SLC22A9: variants seen among roughly 807,000 people sequenced by gnomAD.
The protein encoded by SLC22A9 is organic anion transporter 7.
In SLC22A9, 64 loss-of-function variants were observed where a neutral mutation model predicts 50.1. The observed-to-expected ratio is 1.28, with a 90% confidence interval of 1.04 to 1.57. SLC22A9 has a LOEUF of 1.57. SLC22A9 is among the 40% of genes most tolerant of loss of function. The pLI is 0.00. For synonymous variants in SLC22A9, 261 were observed against 242.5 expected (o/e 1.08, Z -0.71); for missense variants, 757 against 676.1 (o/e 1.12, Z -1.33).
Position 63,410,103 on chromosome 11 carries a change from A to T in SLC22A9, c.*241A>T, listed in dbSNP as rs1008728683. 6 of 344,328 alleles carry T rather than the reference A, an allele frequency of 1.7e-5. No homozygotes were observed. The highest frequency in any genetic ancestry group is 1.3e-4 in the African/African-American group (6 of 46,882). The allele number at this position is 344,328 out of a possible 1,614,324, so 21.3% of individuals were successfully genotyped here. ...AAACAAATACAAAACTTCGCTGGGC[A>T]CAGTGGCACAGGCCTTTAATTCCAG... On this transcript the variant is annotated 3_prime_UTR_variant, in exon 10 of 10. Coordinates refer to ENST00000279178, the MANE Select transcript of SLC22A9 (RefSeq NM_080866.3).
rs71065364 is a variant in SLC22A9 at position 63,386,434 on chromosome 11, C to CTTTTTTTTTTT, written c.1073+4181_1073+4191dup. Among the ~76,000 whole-genome samples the CTTTTTTTTTTT allele has an allele frequency of 1.6e-3, 53 of 33,506 alleles. 10 individuals carry two copies. The highest frequency in any genetic ancestry group is 2.5e-3 in the African/African-American group (14 of 5,632). 22.0% of individuals were successfully genotyped at this position (33,506 alleles called of 152,430 possible). On this transcript the variant is annotated intron_variant, in intron 6 of 9. Coordinates refer to ENST00000279178, the MANE Select transcript of SLC22A9 (RefSeq NM_080866.3). The stretch of plus-strand genomic sequence containing the variant: ...AGCTATAAATCCACGTGGACCTGGA[C>CTTTTTTTTTTT]TTTTTTTTTTTTTTTTTTTTTTTTT...
intron 6 of SLC22A9, among the ~76,000 whole-genome samples, chr11:63,404,418 C>T (rs2015003026): frequency 6.6e-6 from 1 of 152,168 alleles, no homozygotes; most frequent in African/African-American, 2.4e-5. Flanking sequence ...ACAGTAAATA[C>T]TGTACTGTAT....
chr11:63,383,832 C>T (rs965904045), intron 6 of SLC22A9, among the ~76,000 whole-genome samples: 4 of 152,072 alleles, frequency 2.6e-5, no homozygotes, highest in South Asian at 4.2e-4. Flanking sequence ...AGGTAGATCA[C>T]GAGGTCAAGA....
chr11:63,384,617 T>C (rs2014628019), intron 6 of SLC22A9, among the ~76,000 whole-genome samples: 1 of 152,200 alleles, frequency 6.6e-6, no homozygotes, highest in Non-Finnish European at 1.5e-5. Flanking sequence ...TGCAAGTATC[T>C]TTGTAATAGA....
In SLC22A9 at chr11:63,387,725, C is replaced by T. The variant is rs567757819; in HGVS notation, c.1073+5448C>T. Among the ~76,000 whole-genome samples the T allele has an allele frequency of 4.6e-4, 70 of 152,132 alleles. No individual in the cohort carries two copies. In the South Asian group the frequency reaches 0.013, roughly 28 times the overall value. ...TATTTTGATAGGGATTGTATTGAATCGGTAGATTGCTTTGGGTAGTATGGA... is the reference window on the plus strand; with the variant it reads ...TATTTTGATAGGGATTGTATTGAATTGGTAGATTGCTTTGGGTAGTATGGA... On this transcript the variant is annotated intron_variant, in intron 6 of 9. Transcript: ENST00000279178.
chr11:63,382,235 T>C lies in SLC22A9; in HGVS notation c.1031T>C (p.Met344Thr). ...KKPSLCEMLH[M>T]PNICKRISLL... ...CCTTCTCTGTGTGAAATGCTCCACA[T>C]GCCCAACATATGTAAAAGGATCTCC... The change falls in exon 6 of 10, where the codon ATG (methionine) becomes ACG (threonine). Residue 344 changes from methionine to threonine, a missense_variant. Physicochemically the swap from Met to Thr is moderately conservative, Grantham distance 81. Coordinates refer to ENST00000279178, the MANE Select transcript of SLC22A9 (RefSeq NM_080866.3). 6.2e-7 allele frequency: 1 copy of C among 1,609,664 alleles called. No homozygotes were observed. Among genetic ancestry groups the C allele is most frequent in the South Asian group, 1.1e-5 (1 of 89,462 alleles).
Position 63,397,348 on chromosome 11 carries a change from G to A in SLC22A9, c.1074-9149G>A, listed in dbSNP as rs1310751890. ...AGACCTGAAGCCAGTATAGCACTGG[G>A]TATCACCCAAGGCCCATAGTAATCA... is the stretch of plus-strand genomic sequence containing the variant. On this transcript the variant is annotated intron_variant, in intron 6 of 9. Coordinates refer to ENST00000279178, the MANE Select transcript of SLC22A9 (RefSeq NM_080866.3). Among the ~76,000 whole-genome samples the A allele has an allele frequency of 3.9e-5, 6 of 152,192 alleles. No homozygotes were observed. The East Asian group carries it at 9.7e-4, about 25-fold the overall frequency.
intron 9 of SLC22A9, among the ~76,000 whole-genome samples, chr11:63,409,448 A>T (rs944341606): frequency 6.6e-6 from 1 of 152,188 alleles, no homozygotes; most frequent in African/African-American, 2.4e-5. Context: ...TAAAAAAAAA[A>T]AAAATCACAA....
chr11:63,406,921 G>T (rs1034244881), intron 7 of SLC22A9, among the ~76,000 whole-genome samples: 3 of 152,108 alleles, frequency 2.0e-5, no homozygotes, highest in Non-Finnish European at 4.4e-5. Context: ...TTATATGGTT[G>T]TCCTCATCAT....
At chr11:63,379,834 C>T (rs934130594) in intron 5 of SLC22A9, among the ~76,000 whole-genome samples, 2 of 152,094 alleles carry the variant, frequency 1.3e-5, no homozygotes, top group African/African-American at 4.8e-5. Context: ...AGGGTTCAAG[C>T]GATTCTCCTG....
chr11:63,388,557 T>C (rs1194048421), intron 6 of SLC22A9, among the ~76,000 whole-genome samples: 1 of 152,058 alleles, frequency 6.6e-6, no homozygotes, highest in Non-Finnish European at 1.5e-5. Context: ...TTTTAATGTG[T>C]TGTTGAATTC....
chr11:63,385,766 C>T (rs529144844), intron 6 of SLC22A9, among the ~76,000 whole-genome samples: 1 of 152,120 alleles, frequency 6.6e-6, no homozygotes, highest in South Asian at 2.1e-4. Flanking sequence ...TCCTCTCTTC[C>T]GATTCAAATA....
intron 6 of SLC22A9, 24 bp downstream of exon 6, chr11:63,382,301 G>A (rs372238100): frequency 1.9e-6 from 3 of 1,555,380 alleles, no homozygotes; most frequent in Admixed American, 3.7e-5. Flanking sequence ...AGTGTTTGAG[G>A]GTAAGTTACA....
intron 6 of SLC22A9, among the ~76,000 whole-genome samples, chr11:63,392,937 T>C (rs2014789690): frequency 6.6e-6 from 1 of 152,174 alleles, no homozygotes; most frequent in South Asian, 2.1e-4. Context: ...TCCAGATTTG[T>C]TCTTTTTGCA....
intron 7 of SLC22A9, 66 bp from the exon 8 acceptor site, chr11:63,408,046 C>T: frequency 7.5e-7 from 1 of 1,336,200 alleles, no homozygotes; most frequent in Non-Finnish European, 1.1e-6. Context: ...CTTTTCACTT[C>T]TACCTTGGGG....
At position 63,371,158 on chromosome 11, in the gene SLC22A9, A is replaced by G. The variant is rs2014352121; in HGVS notation, c.426A>G (p.Gln142=). The change falls in exon 2 of 10, where the codon CAA becomes CAG. Residue 142 remains glutamine, a synonymous_variant. Coordinates refer to ENST00000279178, the MANE Select transcript of SLC22A9 (RefSeq NM_080866.3). ...VTEWDLVCDS[Q]SLTSVAKFVF... ...AGTGGGATCTGGTATGTGACTCTCAATCACTGACTTCAGTGGCTAAATTTG... is the reference window on the plus strand; with the variant it reads ...AGTGGGATCTGGTATGTGACTCTCAGTCACTGACTTCAGTGGCTAAATTTG... 6 of 1,613,280 alleles carry G rather than the reference A, an allele frequency of 3.7e-6. No homozygotes were observed. Among genetic ancestry groups the G allele is most frequent in the African/African-American group, 1.3e-5 (1 of 74,974 alleles).
intron 2 of SLC22A9, among the ~76,000 whole-genome samples, chr11:63,372,719 TGATAA>T (rs2014384227): frequency 1.3e-5 from 2 of 152,170 alleles, no homozygotes; most frequent in Admixed American, 1.3e-4. Context: ...TTATAGTTTA[TGATAA>T]AAGTCATGTA....
intron 7 of SLC22A9, 66 bp downstream of exon 7, chr11:63,406,777 CA>C: frequency 1.3e-6 from 2 of 1,513,258 alleles, no homozygotes. Flanking sequence ...TTGTACTTGT[CA>C]CACCTATCTG....
rs1462261048 is a variant in SLC22A9, at chr11:63,408,209, C to T, written c.1386C>T (p.Pro462=). 2 of 1,613,138 alleles carry T rather than the reference C, an allele frequency of 1.2e-6. No homozygotes were observed. Among genetic ancestry groups the T allele is most frequent in the Non-Finnish European group, 1.7e-6 (2 of 1,179,358 alleles). The change falls in exon 8 of 10, where the codon CCC becomes CCT. Residue 462 remains proline, a synonymous_variant. Coordinates refer to ENST00000279178, the MANE Select transcript of SLC22A9 (RefSeq NM_080866.3). ...TTGCCCATGGAAATGAAGTAATTCC[C>T]ACCATAATCAGGTACAGAACCTTAA... ...LAFAHGNEVI[P]TIIRARAMGI...
Sources: allele counts gnomAD v4.1 joint callset (sites outside exome capture counted in the v4.1 genomes callset), GRCh38; gene constraint gnomAD v4.1.1; transcripts MANE v1.5; gene names NCBI Gene and HGNC (gene_info 2026-07-23, HGNC 2026-07-21).